The following EYA2 variants were observed in gnomAD, a reference collection of about 807,000 sequenced individuals.
EYA2 encodes protein phosphatase EYA2.
EYA2 carries 31 observed loss-of-function variants against 69.2 expected under a neutral mutation model. That is an observed-to-expected ratio of 0.45 (90% confidence interval 0.34 to 0.60). The LOEUF is 0.60. EYA2 is among the 20% of genes least tolerant of loss of function. EYA2 has a pLI of 0.02. For synonymous variants in EYA2, 257 were observed against 279.4 expected (o/e 0.92, Z 0.80); for missense variants, 622 against 701.2 (o/e 0.89, Z 1.28).
intron 5 of EYA2, among the ~76,000 whole-genome samples, chr20:47,038,257 T>C (rs888371881): frequency 2.6e-5 from 4 of 152,088 alleles, no homozygotes; most frequent in Non-Finnish European, 5.9e-5. Flanking sequence ...CCCAGCACTT[T>C]GGGAGACCAA....
In EYA2 at chr20:46,900,551, T is replaced by C. The variant is rs546538350; in HGVS notation, c.-11+5564T>C. On this transcript the variant is annotated intron_variant, in intron 1 of 15. Transcript: ENST00000327619. ...AGCAAGAAGCTATGCTGAAAACATA[T>C]ACACTTCTGTTTAAGAAATGAGAAA... 9.8e-5 allele frequency among the ~76,000 whole-genome samples: 15 copies of C among 152,326 alleles called. 1 individual carries two copies. The East Asian group carries it at 1.9e-3, about 20-fold the overall frequency.
chr20:46,923,693 GGT>G (rs146269190), intron 1 of EYA2, among the ~76,000 whole-genome samples: 3 of 150,938 alleles, frequency 2.0e-5, no homozygotes, highest in Non-Finnish European at 4.4e-5. Context: ...ACGTGTGCTG[GGT>G]GTGTGTGTGT....
At chr20:47,023,641 T>TTG (rs1555813792) in intron 5 of EYA2, among the ~76,000 whole-genome samples, 1 of 140,308 alleles carries the variant, frequency 7.1e-6, no homozygotes, top group East Asian at 2.0e-4. Context: ...TGTTTTTTTT[T>TTG]TTTTTTTTTT....
chr20:47,007,180 C>CT (rs1260585051), intron 4 of EYA2, among the ~76,000 whole-genome samples: 2 of 152,218 alleles, frequency 1.3e-5, no homozygotes, highest in African/African-American at 4.8e-5. Flanking sequence ...GATCTACTGC[C>CT]TTGGCCTCCC....
chr20:46,991,387 G>A (rs970648), intron 2 of EYA2, among the ~76,000 whole-genome samples: 46 of 152,266 alleles, frequency 3.0e-4, no homozygotes, highest in African/African-American at 9.6e-4. Flanking sequence ...GCATAATGGC[G>A]TACTTCATAG....
Position 47,164,189 on chromosome 20 carries a change from G to A in EYA2, c.979-4950G>A, listed in dbSNP as rs542625673. Among the ~76,000 whole-genome samples the A allele has an allele frequency of 2.4e-4, 36 of 152,286 alleles. No homozygotes were observed. In the South Asian group the frequency reaches 4.6e-3, roughly 19 times the overall value. ...GCTCCCCCATCCTCGTGGCCTCTGC[G>A]CGGTCCAGCTCCCCTCCGAGCTGGC... is the stretch of plus-strand genomic sequence containing the variant. On this transcript the variant is annotated intron_variant, in intron 10 of 15. Transcript: ENST00000327619.
chr20:46,936,335 G>A (rs1237751072), intron 1 of EYA2, among the ~76,000 whole-genome samples: 3 of 152,144 alleles, frequency 2.0e-5, no homozygotes, highest in South Asian at 2.1e-4. Context: ...GCTGGGTGTG[G>A]TGGCACACGC....
intron 10 of EYA2, among the ~76,000 whole-genome samples, chr20:47,156,015 T>G (rs1205682351): frequency 2.1e-5 from 3 of 140,356 alleles, no homozygotes; most frequent in East Asian, 2.3e-4. Context: ...CGTCTCTACT[T>G]AAATATATAT....
intron 10 of EYA2, among the ~76,000 whole-genome samples, chr20:47,151,665 C>T (rs1169955023): frequency 1.3e-5 from 2 of 152,018 alleles, no homozygotes; most frequent in Admixed American, 1.3e-4. Context: ...GGAAGTCTTA[C>T]CCGATTCCCC....
At chr20:46,975,283 G>A (rs1331993513) in intron 1 of EYA2, among the ~76,000 whole-genome samples, 1 of 152,214 alleles carries the variant, frequency 6.6e-6, no homozygotes, top group Non-Finnish European at 1.5e-5. Flanking sequence ...TATGTAAGAT[G>A]TAATCACAGG....
chr20:46,978,762 G>A, intron 1 of EYA2: 11 of 522,714 alleles, frequency 2.1e-5, no homozygotes, highest in South Asian at 1.4e-4. Flanking sequence ...AGAGAGGATG[G>A]TGGCTTGGAC....
chr20:47,018,099 G>A (rs1444801446), intron 5 of EYA2, among the ~76,000 whole-genome samples: 2 of 152,194 alleles, frequency 1.3e-5, no homozygotes, highest in South Asian at 4.1e-4. Context: ...AACAGGAGGT[G>A]TGTGAAGGTA....
chr20:46,896,109 G>A (rs570864517), intron 1 of EYA2, among the ~76,000 whole-genome samples: 45 of 152,242 alleles, frequency 3.0e-4, no homozygotes, highest in African/African-American at 1.0e-3. Context: ...GAGGTGCAGT[G>A]GAAGAGCTGA....
intron 11 of EYA2, among the ~76,000 whole-genome samples, chr20:47,170,694 A>C (rs1225629848): frequency 6.6e-6 from 1 of 152,032 alleles, no homozygotes; most frequent in Non-Finnish European, 1.5e-5. Flanking sequence ...TGTGGGCTGG[A>C]ATGTTCCAAG....
intron 8 of EYA2, among the ~76,000 whole-genome samples, chr20:47,091,576 C>CAAAA (rs11313572): frequency 8.4e-5 from 7 of 83,242 alleles, no homozygotes; most frequent in Admixed American, 1.4e-4. Context: ...CCATCTCTAC[C>CAAAA]AAAAAAAAAA....
chr20:46,896,681 TAAAAA>T (rs977061135), intron 1 of EYA2, among the ~76,000 whole-genome samples: 4 of 152,102 alleles, frequency 2.6e-5, no homozygotes, highest in Admixed American at 6.6e-5. Flanking sequence ...GTGTTTGTAT[TAAAAA>T]AAATCTCCTT....
chr20:47,112,139 C>G (rs890365553), intron 9 of EYA2, among the ~76,000 whole-genome samples: 2 of 152,008 alleles, frequency 1.3e-5, no homozygotes, highest in African/African-American at 4.8e-5. Context: ...AGACCGCTGT[C>G]TCAAGCAAAC....
intron 2 of EYA2, among the ~76,000 whole-genome samples, chr20:46,991,151 T>C (rs558817733): frequency 1.3e-5 from 2 of 152,264 alleles, no homozygotes; most frequent in Non-Finnish European, 1.5e-5. Flanking sequence ...TTTGAGAAAA[T>C]TTACTGAGCC....
rs149074336 is a variant in EYA2, at chr20:46,900,949, A to G, written c.-11+5962A>G. On this transcript the variant is annotated intron_variant, in intron 1 of 15. Transcript: ENST00000327619. ...GGTCATGCGCTTGAAGTGCATAAAT[A>G]AGCCCTATGAAGGTCACCAAACAGG... Among the ~76,000 whole-genome samples, 531 of 152,350 alleles carry G rather than the reference A, an allele frequency of 3.5e-3. 1 individual carries two copies. Among genetic ancestry groups the G allele is most frequent in the African/African-American group, 0.013 (523 of 41,574 alleles).
Sources: gnomAD v4.1 joint callset for allele counts (sites outside exome capture counted in the v4.1 genomes callset) on GRCh38, gnomAD v4.1.1 for gene constraint, MANE v1.5 for transcripts, NCBI Gene and HGNC (gene_info 2026-07-23, HGNC 2026-07-21) for gene names.